The following CIRSR variants were observed in gnomAD, a reference collection of about 807,000 sequenced individuals.
CIRSR encodes the protein CBF1 (RBPJ) interacting corepressor 1.
the CIRSR span, among the ~76,000 whole-genome samples, chr2:174,356,341 G>A: frequency 6.6e-6 from 1 of 151,902 alleles, no homozygotes; most frequent in African/African-American, 2.4e-5. Context: ...TGGCGCACAT[G>A]CCTATACTCC....
At chr2:174,353,367 GGTT>G in the CIRSR span, among the ~76,000 whole-genome samples, 5 of 151,986 alleles carry the variant, frequency 3.3e-5, no homozygotes, top group South Asian at 2.1e-4. Context: ...TATTCAGTCT[GGTT>G]GTTAACATTG....
At chr2:174,390,705 C>A in the CIRSR span, among the ~76,000 whole-genome samples, 1 of 152,056 alleles carries the variant, frequency 6.6e-6, no homozygotes, top group Non-Finnish European at 1.5e-5. Flanking sequence ...GTGGGAGGAA[C>A]CCGATGGGAG....
the CIRSR span, among the ~76,000 whole-genome samples, chr2:174,376,057 C>T: frequency 1.3e-5 from 2 of 152,110 alleles, no homozygotes; most frequent in Non-Finnish European, 2.9e-5. Flanking sequence ...GATGGGGTTT[C>T]ATCACGTTGC....
At chr2:174,350,533 A>C in the CIRSR span, 1 of 516,712 alleles carries the variant, frequency 1.9e-6, no homozygotes, top group African/African-American at 2.0e-5. Context: ...CTATGGGTGA[A>C]GAATAATCAA....
At chr2:174,354,774 T>A in the CIRSR span, among the ~76,000 whole-genome samples, 16 of 120,268 alleles carry the variant, frequency 1.3e-4, no homozygotes, top group African/African-American at 4.8e-4. Context: ...ATATATATTT[T>A]TTTTTTTGGT....
chr2:174,391,900 C>T, the CIRSR span, among the ~76,000 whole-genome samples: 461 of 152,276 alleles, frequency 3.0e-3, 2 homozygotes, highest in Non-Finnish European at 4.4e-3. Flanking sequence ...AAATGAATTT[C>T]CAGAATAGGC....
At chr2:174,373,741 GT>G in the CIRSR span, among the ~76,000 whole-genome samples, 7 of 146,356 alleles carry the variant, frequency 4.8e-5, no homozygotes, top group Non-Finnish European at 9.0e-5. Flanking sequence ...AATTAGAAAT[GT>G]TGAAAATGTC....
chr2:174,351,789 A>C, the CIRSR span: 1 of 1,255,800 alleles, frequency 8.0e-7, no homozygotes, highest in Non-Finnish European at 1.1e-6. Context: ...CGGACTCCAC[A>C]GTAGGAATGC....
At chr2:174,371,928 T>G in the CIRSR span, among the ~76,000 whole-genome samples, 2 of 152,094 alleles carry the variant, frequency 1.3e-5, no homozygotes, top group African/African-American at 4.8e-5. Flanking sequence ...TGGTGAGACA[T>G]TATTCAATAG....
the CIRSR span, among the ~76,000 whole-genome samples, chr2:174,369,390 G>A: frequency 6.6e-5 from 10 of 152,196 alleles, no homozygotes; most frequent in Middle Eastern, 3.2e-3. Context: ...CTTCTATCCA[G>A]ATTACTAAAT....
At chr2:174,351,521 A>T in the CIRSR span, 1 of 907,226 alleles carries the variant, frequency 1.1e-6, no homozygotes, top group Non-Finnish European at 1.7e-6. Flanking sequence ...TTACTTTCCT[A>T]TGGATATATG....
the CIRSR span, among the ~76,000 whole-genome samples, chr2:174,379,586 T>C: frequency 6.6e-6 from 1 of 152,202 alleles, no homozygotes; most frequent in African/African-American, 2.4e-5. Flanking sequence ...CCTCTGATGA[T>C]AGTCTGTCCC....
the CIRSR span, among the ~76,000 whole-genome samples, chr2:174,355,742 TA>T: frequency 3.9e-5 from 6 of 152,168 alleles, no homozygotes; most frequent in Admixed American, 1.3e-4. Flanking sequence ...CAATGAAAGG[TA>T]AAAAAAGAAT....
chr2:174,363,158 G>A, the CIRSR span, among the ~76,000 whole-genome samples: 1 of 152,138 alleles, frequency 6.6e-6, no homozygotes. Flanking sequence ...ACATGTGAAG[G>A]TTACAGCCCA....
At chr2:174,390,283 G>A in the CIRSR span, among the ~76,000 whole-genome samples, 856 of 152,400 alleles carry the variant, frequency 5.6e-3, 5 homozygotes, top group Middle Eastern at 0.017. Context: ...CCCTGGATAT[G>A]AGACATGAAG....
the CIRSR span, chr2:174,349,296 C>G: frequency 1.7e-5 from 11 of 629,934 alleles, no homozygotes; most frequent in East Asian, 3.0e-5. Context: ...GCAGAGCGCG[C>G]TGGCTCATAC....
chr2:174,359,101 A>G, the CIRSR span, among the ~76,000 whole-genome samples: 4 of 152,062 alleles, frequency 2.6e-5, no homozygotes, highest in Non-Finnish European at 4.4e-5. Context: ...ATGAGATACA[A>G]AAGAGTACCT....
chr2:174,381,638 C>T, the CIRSR span: 1 of 1,256,482 alleles, frequency 8.0e-7, no homozygotes, highest in African/African-American at 1.6e-5. Context: ...GCCTGGACGA[C>T]AGGGCAAGAC....
chr2:174,371,826 T>G, the CIRSR span, among the ~76,000 whole-genome samples: 1 of 152,172 alleles, frequency 6.6e-6, no homozygotes, highest in Non-Finnish European at 1.5e-5. Flanking sequence ...CCTGAGAGAT[T>G]ACAGGCACAA....
Sources: gnomAD v4.1 joint callset for allele counts (sites outside exome capture counted in the v4.1 genomes callset) on GRCh38, gnomAD v4.1.1 for gene constraint, MANE v1.5 for transcripts, NCBI Gene and HGNC (gene_info 2026-07-23, HGNC 2026-07-21) for gene names.